The following COPS5 variants were observed in gnomAD, a reference collection of about 807,000 sequenced individuals.
The protein encoded by COPS5 is COP9 signalosome complex subunit 5.
A neutral mutation model predicts 44.4 loss-of-function variants in COPS5; 8 were observed. The observed-to-expected ratio is 0.18, with a 90% confidence interval of 0.11 to 0.32. The LOEUF (loss-of-function observed/expected upper bound fraction) is 0.32. Ranked by LOEUF, COPS5 falls within the 10% of genes least tolerant of loss-of-function variation. The pLI, the probability that COPS5 is intolerant of heterozygous loss-of-function variation, is 1.00. For missense variants in COPS5, 159 were observed against 406.4 expected, an observed-to-expected ratio of 0.39 and a Z score of 5.23; for synonymous variants, 122 against 142.8, an observed-to-expected ratio of 0.85 and a Z score of 1.04.
rs1218911236 is a variant in COPS5, at chr8:67,054,528, C to T, written c.659+1991G>A. 2.0e-5 allele frequency among the ~76,000 whole-genome samples: 3 copies of T among 151,906 alleles called. No homozygotes were observed. In the East Asian group the frequency reaches 5.8e-4, roughly 29 times the overall value. ...TGGTGTGCCTGTAGTCCCTGGGCAA[C>T]CTAGTGAGACTCCATCTGAAATAAA... On this transcript the variant is annotated intron_variant, in intron 5 of 7. Coordinates refer to ENST00000357849, the MANE Select transcript of COPS5 (RefSeq NM_006837.3).
intron 6 of COPS5, among the ~76,000 whole-genome samples, chr8:67,050,244 G>A (rs986242050): frequency 3.3e-5 from 5 of 151,806 alleles, no homozygotes; most frequent in South Asian, 2.1e-4. Context: ...CTCATGATCC[G>A]CCCGCCTCGG....
chr8:67,047,947 T>C, intron 6 of COPS5: 3 of 700,914 alleles, frequency 4.3e-6, no homozygotes, highest in Non-Finnish European at 7.8e-6. Context: ...TCATTCTCCA[T>C]CCTAATTTGC....
At chr8:67,061,585 A>C (rs549757060) in intron 1 of COPS5, 56 of 481,210 alleles carry the variant, frequency 1.2e-4, no homozygotes, top group African/African-American at 6.3e-4. Flanking sequence ...TGTGGCATAT[A>C]TGACAATACG....
intron 2 of COPS5, 52 bp from the exon 3 acceptor site, chr8:67,058,263 A>G: frequency 1.3e-6 from 2 of 1,580,884 alleles, no homozygotes; most frequent in Non-Finnish European, 1.7e-6. Flanking sequence ...ATTAATTTAC[A>G]AGGTACCAGT....
intron 1 of COPS5, chr8:67,060,547 T>C: frequency 1.6e-6 from 2 of 1,275,572 alleles, no homozygotes; most frequent in Middle Eastern, 2.1e-4. Flanking sequence ...CTCCCTTTAC[T>C]GGAGAAAAGA....
At chr8:67,045,771 AAG>A in intron 7 of COPS5, 39 bp downstream of exon 7, 1 of 1,607,504 alleles carries the variant, frequency 6.2e-7, no homozygotes, top group Non-Finnish European at 8.5e-7. Context: ...TTGAAAGAAA[AAG>A]AGTTAGGGGC....
At position 67,059,607 on chromosome 8, in the gene COPS5, G is replaced by A. The variant is rs147832904; in HGVS notation, c.144-162C>T. ...TAAAAAAGGACAGTTTTTGCAGGCT[G>A]GAAACAATAAGTATGTCATAGTGCA... On this transcript the variant is annotated intron_variant, in intron 1 of 7. Transcript: ENST00000357849. 7.5e-3 allele frequency: 4,613 copies of A among 611,052 alleles called. 25 individuals are homozygous for A. The highest frequency in any genetic ancestry group is 0.022 in the Middle Eastern group (50 of 2,318). The allele number at this position is 611,052 out of a possible 1,614,324, so 37.9% of individuals were successfully genotyped here.
In COPS5 at chr8:67,057,428, T is replaced by A; in HGVS notation, c.525A>T (p.Thr175=). The A allele has an allele frequency of 6.2e-7, 1 of 1,611,346 alleles. No homozygotes were observed. The highest frequency in any genetic ancestry group is 8.5e-7 in the Non-Finnish European group (1 of 1,178,150). The part of the protein sequence containing the change: ...FVAVVIDPTR[T]ISAGKVNLGA... Reference sequence around the variant, plus strand: ...CAAGATTCACTTTCCCTGCGGATATTGTTCTTGTTGGATCAATCTATAAGA... The same window carrying A: ...CAAGATTCACTTTCCCTGCGGATATAGTTCTTGTTGGATCAATCTATAAGA... Residue 175 remains threonine, a synonymous_variant, in exon 4 of 8, where the codon ACA becomes ACT. Transcript: ENST00000357849.
chr8:67,048,477 G>A (rs1478289686), intron 6 of COPS5, among the ~76,000 whole-genome samples: 1 of 151,720 alleles, frequency 6.6e-6, no homozygotes, highest in Non-Finnish European at 1.5e-5. Flanking sequence ...AGCACTTTGG[G>A]AGGCTGAGGC....
intron 5 of COPS5, among the ~76,000 whole-genome samples, chr8:67,054,295 T>G (rs1197986693): frequency 6.6e-6 from 1 of 152,216 alleles, no homozygotes; most frequent in Non-Finnish European, 1.5e-5. Flanking sequence ...TTTTTTTGTT[T>G]TGAAGTATAA....
In COPS5 at chr8:67,059,351, G is replaced by A; in HGVS notation, c.238C>T (p.Leu80=). The change falls in exon 2 of 8, where the codon CTG becomes TTG. Residue 80 remains leucine, a synonymous_variant. Coordinates refer to ENST00000357849, the MANE Select transcript of COPS5 (RefSeq NM_006837.3). ...TCACCATCCACCTTTCCTAGCATCA[G>A]ACCCATCACTTCCAAGTTGCCTCCC... ...RSGGNLEVMG[L]MLGKVDGETM... is the part of the protein sequence containing the mutation. 1 of 1,614,170 alleles carries A rather than the reference G, an allele frequency of 6.2e-7. No homozygotes were observed. Among genetic ancestry groups the A allele is most frequent in the Non-Finnish European group, 8.5e-7 (1 of 1,180,008 alleles).
chr8:67,057,095 G>A (rs1222272029), intron 4 of COPS5, among the ~76,000 whole-genome samples: 1 of 152,146 alleles, frequency 6.6e-6, no homozygotes, highest in Non-Finnish European at 1.5e-5. Context: ...GGGACAGCTT[G>A]TGGTAGTTTA....
intron 2 of COPS5, 22 bp from the exon 3 acceptor site, chr8:67,058,233 A>C (rs948557105): frequency 6.2e-7 from 1 of 1,610,844 alleles, no homozygotes; most frequent in Non-Finnish European, 8.5e-7. Flanking sequence ...AGGGGCAAAA[A>C]AGTTTAAGAT....
Position 67,058,096 on chromosome 8 carries a change from A to G in COPS5, c.494T>C (p.Phe165Ser). Residue 165 changes from phenylalanine to serine, a missense_variant, in exon 3 of 8, where the codon TTT (phenylalanine) becomes TCT (serine). Phe to Ser is a radical substitution (Grantham distance 155). Around this residue, in one of 2 missense-constraint regions of COPS5, gnomAD observed 134 missense variants for 376.7 expected, o/e 0.36. Coordinates refer to ENST00000357849, the MANE Select transcript of COPS5 (RefSeq NM_006837.3). The part of the protein sequence containing the change: ...QMLNQQFQEP[F>S]VAVVIDPTRT... ...TAAAATTCTTACCACCACTGCTACA[A>G]ATGGTTCCTGGAACTGCTGATTGAG... 1 of 1,613,970 alleles carries G rather than the reference A, an allele frequency of 6.2e-7. No homozygotes were observed. Among genetic ancestry groups the G allele is most frequent in the Non-Finnish European group, 8.5e-7 (1 of 1,179,852 alleles).
intron 7 of COPS5, chr8:67,045,536 T>C (rs1816690275): frequency 2.6e-6 from 1 of 384,898 alleles, no homozygotes; most frequent in Middle Eastern, 8.1e-4. Context: ...TTTGTCACAC[T>C]TTCTAGTTGA....
In COPS5 at chr8:67,062,097, A is replaced by G. The variant is rs1344913208; in HGVS notation, c.-101T>C. 8 of 1,580,578 alleles carry G rather than the reference A, an allele frequency of 5.1e-6. No homozygotes were observed. The highest frequency in any genetic ancestry group is 6.9e-6 in the Non-Finnish European group (8 of 1,166,334). On this transcript the variant is annotated 5_prime_UTR_variant, in exon 1 of 8. Transcript: ENST00000357849. ...CTTGACCCTCCGCACCACGGGAACA[A>G]ACTCTTACCTAGACTCTTGGGGCAG...
At chr8:67,048,142 G>A (rs1816722522) in intron 6 of COPS5, among the ~76,000 whole-genome samples, 1 of 151,972 alleles carries the variant, frequency 6.6e-6, no homozygotes, top group African/African-American at 2.4e-5. Context: ...GTCAGGCATG[G>A]TGGTGTACAT....
In COPS5 at chr8:67,062,067, T is replaced by G; in HGVS notation, c.-71A>C. On this transcript the variant is annotated 5_prime_UTR_variant, in exon 1 of 8. Transcript: ENST00000357849. ...CTTTACCTCGCTAGGTTTCCGGGTG[T>G]GGGCCTTGACCCTCCGCACCACGGG... 2 of 1,608,882 alleles carry G rather than the reference T, an allele frequency of 1.2e-6. No homozygotes were observed. The highest frequency in any genetic ancestry group is 1.7e-6 in the Non-Finnish European group (2 of 1,178,426).
At chr8:67,047,301 T>G (rs1816714074) in intron 6 of COPS5, among the ~76,000 whole-genome samples, 1 of 152,210 alleles carries the variant, frequency 6.6e-6, no homozygotes, top group Non-Finnish European at 1.5e-5. Context: ...CTTCCAATGA[T>G]TTTTACAAAC....
Sources: gnomAD v4.1 joint callset for allele counts (sites outside exome capture counted in the v4.1 genomes callset) on GRCh38, gnomAD v4.1.1 for gene constraint, gnomAD v4.1.1 regional missense constraint, MANE v1.5 for transcripts, NCBI Gene and HGNC (gene_info 2026-07-23, HGNC 2026-07-21) for gene names.